NUCB2: variants seen among roughly 807,000 people sequenced by gnomAD.
NUCB2 encodes nucleobindin 2.
In NUCB2, 48 loss-of-function variants were observed where a neutral mutation model predicts 57.9. That is an observed-to-expected ratio of 0.83 (90% CI 0.66 to 1.05). NUCB2 has a LOEUF of 1.05. Ranked by LOEUF, NUCB2 falls within the 50% of genes least tolerant of loss-of-function variation. The pLI is 0.00. For synonymous variants in NUCB2, 139 were observed against 152.1 expected, an observed-to-expected ratio of 0.91 and a Z score of 0.64; for missense variants, 442 against 476.2, an observed-to-expected ratio of 0.93 and a Z score of 0.67.
At chr11:17,323,538 C>T (rs976266515) in intron 11 of NUCB2, among the ~76,000 whole-genome samples, 3 of 152,074 alleles carry the variant, frequency 2.0e-5, no homozygotes, top group East Asian at 1.9e-4. Context: ...TTTCTTTTTT[C>T]GATGTGACTT....
chr11:17,331,039 A>G (rs778846760), intron 13 of NUCB2, 56 bp downstream of exon 13: 15 of 1,062,692 alleles, frequency 1.4e-5, no homozygotes, highest in Non-Finnish European at 1.4e-5. Context: ...TATCAATTGA[A>G]ATCCACATTT....
intron 11 of NUCB2, among the ~76,000 whole-genome samples, chr11:17,321,925 C>T (rs572926373): frequency 2.6e-4 from 40 of 152,160 alleles, no homozygotes; most frequent in African/African-American, 8.2e-4. Flanking sequence ...ATCTTTTGAC[C>T]ATTTTTGTCA....
chr11:17,329,997 C>T, intron 11 of NUCB2, 130 bp from the exon 12 acceptor site: 1 of 453,116 alleles, frequency 2.2e-6, no homozygotes, highest in Non-Finnish European at 3.9e-6. Flanking sequence ...ATTTCCCCTT[C>T]CTTCTTACCT....
At chr11:17,307,076 A>G (rs1476838708) in intron 5 of NUCB2, among the ~76,000 whole-genome samples, 1 of 152,078 alleles carries the variant, frequency 6.6e-6, no homozygotes. Flanking sequence ...GGCAGTTTTT[A>G]TTCTTTTTAT....
chr11:17,346,706 C>T (rs999459234), intron 2 of NUCB2, among the ~76,000 whole-genome samples: 1 of 152,066 alleles, frequency 6.6e-6, no homozygotes, highest in African/African-American at 2.4e-5. Flanking sequence ...TTCCCATATG[C>T]CCTTCATCTA....
At chr11:17,299,684 G>A (rs1204378742) in intron 4 of NUCB2, among the ~76,000 whole-genome samples, 10 of 152,146 alleles carry the variant, frequency 6.6e-5, no homozygotes, top group Non-Finnish European at 1.3e-4. Flanking sequence ...TGGGTGGATT[G>A]CTTGAGCTCA....
chr11:17,348,320 T>TG (rs1952925735), intron 2 of NUCB2, among the ~76,000 whole-genome samples: 3 of 12,162 alleles, frequency 2.5e-4, no homozygotes, highest in African/African-American at 3.6e-4. Flanking sequence ...TGTTTTTGTG[T>TG]TTTTTTTTTT....
At chr11:17,301,225 G>T (rs1260631888) in intron 4 of NUCB2, among the ~76,000 whole-genome samples, 1 of 148,714 alleles carries the variant, frequency 6.7e-6, no homozygotes, top group Admixed American at 6.8e-5. Context: ...TGCCCGCCTT[G>T]GTCTCCCAAA....
chr11:17,319,614 C>T (rs1949747571), intron 11 of NUCB2, among the ~76,000 whole-genome samples: 1 of 151,990 alleles, frequency 6.6e-6, no homozygotes, highest in Non-Finnish European at 1.5e-5. Flanking sequence ...ACACATATAC[C>T]CACCTATATA....
At chr11:17,284,726 C>T (rs1487301764) in intron 2 of NUCB2, among the ~76,000 whole-genome samples, 3 of 151,966 alleles carry the variant, frequency 2.0e-5, no homozygotes, top group Admixed American at 1.3e-4. Context: ...AGACATTTAA[C>T]GTTATAAATC....
chr11:17,347,944 T>C (rs1952877411), intron 2 of NUCB2, among the ~76,000 whole-genome samples: 1 of 152,232 alleles, frequency 6.6e-6, no homozygotes, highest in Non-Finnish European at 1.5e-5. Context: ...TGGAAACTTT[T>C]ATAGCAATTC....
chr11:17,285,596 T>C (rs1032350312), intron 2 of NUCB2, among the ~76,000 whole-genome samples: 1 of 143,630 alleles, frequency 7.0e-6, no homozygotes, highest in Non-Finnish European at 1.5e-5. Context: ...AAAAAAAAAT[T>C]AGCTGGGCGT....
At position 17,331,475 on chromosome 11, in the gene NUCB2, CT is replaced by C; in HGVS notation, c.*61del. 1 of 1,120,290 alleles carries C rather than the reference CT, an allele frequency of 8.9e-7. No homozygotes were observed. The highest frequency in any genetic ancestry group is 2.8e-5 in the Admixed American group (1 of 35,374). 69.4% of individuals were successfully genotyped at this position (1,120,290 alleles called of 1,614,324 possible). A position where few individuals can be genotyped will look rare whatever the true frequency, so the allele number is the denominator to read the frequency against. On this transcript the variant is annotated 3_prime_UTR_variant, in exon 14 of 14. Coordinates refer to ENST00000529010, the MANE Select transcript of NUCB2 (RefSeq NM_005013.4). ...GCTGTTAACTCAACATCTATTTCATCTTTTTAGCTCCCTTCCTTTTTCTCTG... is the reference window on the plus strand; with the variant it reads ...GCTGTTAACTCAACATCTATTTCATCTTTTAGCTCCCTTCCTTTTTCTCTG...
intron 2 of NUCB2, among the ~76,000 whole-genome samples, chr11:17,338,251 A>C (rs1951966936): frequency 6.6e-6 from 1 of 152,166 alleles, no homozygotes. Context: ...TAGACAAACA[A>C]TTATATTTCA....
intron 2 of NUCB2, among the ~76,000 whole-genome samples, chr11:17,287,281 G>A (rs912809055): frequency 3.3e-5 from 5 of 152,118 alleles, no homozygotes; most frequent in African/African-American, 1.2e-4. Flanking sequence ...GCAGTGAGCT[G>A]TGAGCTCACC....
At position 17,296,186 on chromosome 11, in the gene NUCB2, A is replaced by C; in HGVS notation, c.227A>C (p.Gln76Pro). 1 of 1,608,544 alleles carries C rather than the reference A, an allele frequency of 6.2e-7. No individual in the cohort carries two copies. The highest frequency in any genetic ancestry group is 8.5e-7 in the Non-Finnish European group (1 of 1,175,928). The change falls in exon 4 of 14, where the codon CAG becomes CCG. Residue 76 changes from glutamine to proline, a missense_variant. Coordinates refer to ENST00000529010, the MANE Select transcript of NUCB2 (RefSeq NM_005013.4). ...GATAAACACTTCAGAGAAAAGCTCC[A>C]GAAAGCAGACATAGAGGAAATAAAG... ...ETDKHFREKLQKADIEEIKSG... is the reference protein window; with the variant it reads ...ETDKHFREKLPKADIEEIKSG...
chr11:17,349,460 A>G (rs1953043511), exon 3 of NUCB2: 1 of 152,172 alleles, frequency 6.6e-6, no homozygotes, highest in South Asian at 2.1e-4. Flanking sequence ...GTGGTGCAAG[A>G]TGTCTCCTCA....
At chr11:17,303,560 T>C (rs900418047) in intron 5 of NUCB2, among the ~76,000 whole-genome samples, 1 of 152,214 alleles carries the variant, frequency 6.6e-6, no homozygotes, top group Non-Finnish European at 1.5e-5. Context: ...TAAATAGCTA[T>C]GTAATAGAAT....
chr11:17,289,806 T>C (rs1414898081), intron 2 of NUCB2, among the ~76,000 whole-genome samples: 1 of 152,212 alleles, frequency 6.6e-6, no homozygotes, highest in Admixed American at 6.5e-5. Context: ...TTGAGGCATG[T>C]AAAAGAACAT....
Sources: allele counts gnomAD v4.1 joint callset (sites outside exome capture counted in the v4.1 genomes callset), GRCh38; gene constraint gnomAD v4.1.1; transcripts MANE v1.5; gene names NCBI Gene and HGNC (gene_info 2026-07-23, HGNC 2026-07-21).